The following RTF2 variants were observed in gnomAD, a reference collection of about 807,000 sequenced individuals.
RTF2 encodes replication termination factor 2.
In RTF2, 18 loss-of-function variants were observed where a neutral mutation model predicts 38.0. That is an observed-to-expected ratio of 0.47 (90% confidence interval 0.33 to 0.70). The LOEUF is 0.70. Ranked by LOEUF, RTF2 falls within the 30% of genes least tolerant of loss-of-function variation. The probability of loss-of-function intolerance (pLI) is 0.02; values close to 1 mark genes in which losing one functional copy is unlikely to be tolerated. For synonymous variants in RTF2, 126 were observed against 137.1 expected, an observed-to-expected ratio of 0.92 and a Z score of 0.57; for missense variants, 311 against 379.6, an observed-to-expected ratio of 0.82 and a Z score of 1.50.
intron 4 of RTF2, among the ~76,000 whole-genome samples, chr20:56,481,816 C>G (rs1982541268): frequency 6.6e-6 from 1 of 152,182 alleles, no homozygotes; most frequent in Non-Finnish European, 1.5e-5. Context: ...AGGTACTCCC[C>G]ATTGCCAGTC....
rs755570223 is a variant in RTF2, at chr20:56,518,029, C to T, written c.743-58C>T. The T allele has an allele frequency of 1.6e-4, 241 of 1,512,896 alleles. 1 individual carries two copies. Among genetic ancestry groups the T allele is most frequent in the Middle Eastern group, 3.6e-4 (2 of 5,626 alleles). 93.7% of individuals were successfully genotyped at this position (1,512,896 alleles called of 1,614,324 possible). A position where few individuals can be genotyped will look rare whatever the true frequency, so the allele number is the denominator to read the frequency against. The stretch of plus-strand genomic sequence containing the variant: ...CTGATGGGCTTCCCTTCTGAGGATG[C>T]GAAGTTTAGAATCATCTTTATCCCA... On this transcript the variant is annotated intron_variant, in intron 8 of 8. Coordinates refer to ENST00000357348, the MANE Select transcript of RTF2 (RefSeq NM_016407.5).
At chr20:56,479,856 TG>T (rs1216734067) in intron 4 of RTF2, among the ~76,000 whole-genome samples, 1 of 148,888 alleles carries the variant, frequency 6.7e-6, no homozygotes, top group African/African-American at 2.5e-5. Context: ...GTCTCAACGC[TG>T]GGCTTAAAAT....
chr20:56,496,585 C>T, intron 5 of RTF2: 2 of 1,449,142 alleles, frequency 1.4e-6, no homozygotes, highest in Non-Finnish European at 1.8e-6. Context: ...ATCAATCTAT[C>T]TGCTGCTGTT....
intron 5 of RTF2, chr20:56,504,053 A>G (rs1238741066): frequency 6.6e-6 from 1 of 152,224 alleles, no homozygotes; most frequent in African/African-American, 2.4e-5. Context: ...TGAGACGCTT[A>G]CCAGGAGAAG....
Position 56,497,195 on chromosome 20 carries a change from A to G in RTF2, c.477+13006A>G, listed in dbSNP as rs183451488. The G allele has an allele frequency of 3.4e-5, 52 of 1,551,668 alleles. No individual in the cohort carries two copies. The Admixed American group carries it at 8.6e-4, about 26-fold the overall frequency. On this transcript the variant is annotated intron_variant, in intron 5 of 8. Coordinates refer to ENST00000357348, the MANE Select transcript of RTF2 (RefSeq NM_016407.5). Reference sequence around the variant, plus strand: ...GGGCCTTTTCATCAACATGAATACAATAAACATTTTGAGGTACATAAATAG... The same window carrying G: ...GGGCCTTTTCATCAACATGAATACAGTAAACATTTTGAGGTACATAAATAG...
chr20:56,469,901 A>G (rs1037541238), intron 1 of RTF2, among the ~76,000 whole-genome samples: 7 of 152,130 alleles, frequency 4.6e-5, no homozygotes, highest in Admixed American at 1.3e-4. Context: ...TCACATGATG[A>G]GTTTCTTTAC....
chr20:56,498,406 T>TA lies in RTF2; in HGVS notation c.477+14223dup, dbSNP rs1426735564. ...GCAACATAGTAAGACTGTATCTCTA[T>TA]AAAAAACTTAAAAATTAGCCACATG... is the stretch of plus-strand genomic sequence containing the variant. On this transcript the variant is annotated intron_variant, in intron 5 of 8. Coordinates refer to ENST00000357348, the MANE Select transcript of RTF2 (RefSeq NM_016407.5). Among the ~76,000 whole-genome samples, 6 of 151,634 alleles carry TA rather than the reference T, an allele frequency of 4.0e-5. No homozygotes were observed. In the East Asian group the frequency reaches 7.8e-4, roughly 20 times the overall value.
intron 5 of RTF2, among the ~76,000 whole-genome samples, chr20:56,510,276 G>A (rs560547496): frequency 3.3e-5 from 5 of 152,282 alleles, no homozygotes; most frequent in African/African-American, 1.2e-4. Flanking sequence ...GGCGAGTTAG[G>A]TAGCAAATGC....
intron 6 of RTF2, 151 bp downstream of exon 6, chr20:56,513,579 A>G: frequency 3.1e-6 from 3 of 980,648 alleles, no homozygotes; most frequent in Non-Finnish European, 4.4e-6. Flanking sequence ...AGCAGATTCC[A>G]GCTGAGGCCC....
At chr20:56,476,168 C>T (rs563856311) in intron 3 of RTF2, among the ~76,000 whole-genome samples, 1 of 152,258 alleles carries the variant, frequency 6.6e-6, no homozygotes, top group Admixed American at 6.5e-5. Context: ...TGGAGTGTGA[C>T]AGTATTTTCT....
At chr20:56,492,946 G>C (rs1294146000) in intron 5 of RTF2, among the ~76,000 whole-genome samples, 1 of 151,916 alleles carries the variant, frequency 6.6e-6, no homozygotes, top group African/African-American at 2.4e-5. Flanking sequence ...GGGAGGCCGA[G>C]GCGGGTGGAT....
At chr20:56,472,659 A>G (rs1236163807) in intron 1 of RTF2, among the ~76,000 whole-genome samples, 1 of 152,134 alleles carries the variant, frequency 6.6e-6, no homozygotes, top group East Asian at 1.9e-4. Flanking sequence ...TTAGAAATTA[A>G]TCTAACACAC....
intron 5 of RTF2, among the ~76,000 whole-genome samples, chr20:56,490,497 C>T (rs977893721): frequency 1.3e-5 from 2 of 152,208 alleles, no homozygotes; most frequent in African/African-American, 4.8e-5. Flanking sequence ...CAGCATGGTA[C>T]AATTAGCCAC....
intron 1 of RTF2, among the ~76,000 whole-genome samples, 164 bp downstream of exon 1, chr20:56,468,930 C>T (rs1410570339): frequency 6.6e-6 from 1 of 152,188 alleles, no homozygotes; most frequent in Non-Finnish European, 1.5e-5. Flanking sequence ...TAAGAGTGGA[C>T]ATTCAATGGG....
At chr20:56,511,290 C>A (rs868172239) in intron 5 of RTF2, among the ~76,000 whole-genome samples, 1 of 152,104 alleles carries the variant, frequency 6.6e-6, no homozygotes, top group Non-Finnish European at 1.5e-5. Context: ...GCTCCATCAG[C>A]GGCATTAGAT....
In RTF2 at chr20:56,513,388, C is replaced by G. The variant is rs747083601; in HGVS notation, c.551C>G (p.Thr184Arg). 1 of 1,607,918 alleles carries G rather than the reference C, an allele frequency of 6.2e-7. No individual in the cohort carries two copies. Among genetic ancestry groups the G allele is most frequent in the Non-Finnish European group, 8.5e-7 (1 of 1,177,540 alleles). The change falls in exon 6 of 9, where the codon ACA (threonine) becomes AGA (arginine). Residue 184 changes from threonine to arginine, a missense_variant. Transcript: ENST00000357348. ...AAGGAGGATGTGGACGTGCTGAAGACAAGGATGGAGGAGAGAAGGCTGAGA... is the reference window on the plus strand; with the variant it reads ...AAGGAGGATGTGGACGTGCTGAAGAGAAGGATGGAGGAGAGAAGGCTGAGA... ...GTKEDVDVLK[T>R]RMEERRLRAK... is the part of the protein sequence containing the mutation.
chr20:56,482,234 A>C (rs1473253862), intron 4 of RTF2, among the ~76,000 whole-genome samples: 1 of 152,264 alleles, frequency 6.6e-6, no homozygotes, highest in Non-Finnish European at 1.5e-5. Flanking sequence ...ACCAAAATCC[A>C]TGGATGCTCA....
rs200691661 is a variant in RTF2, at chr20:56,518,151, C to G, written c.807C>G (p.Ile269Met). Residue 269 changes from isoleucine to methionine, a missense_variant, in exon 9 of 9, where the codon ATC becomes ATG. Ile to Met is a conservative substitution (Grantham distance 10). Transcript: ENST00000357348. ...CGTGTGGAGCCACAAAGAGGTCCAT[C>G]GCTGACAGTGAAGAATCGGAGGCCT... ...KPPCGATKRS[I>M]ADSEESEAYK... 2.5e-6 allele frequency: 4 copies of G among 1,614,148 alleles called. No individual in the cohort carries two copies. Among genetic ancestry groups the G allele is most frequent in the Non-Finnish European group, 3.4e-6 (4 of 1,180,008 alleles).
intron 5 of RTF2, among the ~76,000 whole-genome samples, chr20:56,500,116 G>A (rs901244524): frequency 3.3e-5 from 5 of 151,720 alleles, no homozygotes; most frequent in African/African-American, 9.7e-5. Flanking sequence ...GTGCAATGGC[G>A]TGATCTTGGC....
Sources: gnomAD v4.1 joint callset for allele counts (sites outside exome capture counted in the v4.1 genomes callset) on GRCh38, gnomAD v4.1.1 for gene constraint, MANE v1.5 for transcripts, NCBI Gene and HGNC (gene_info 2026-07-23, HGNC 2026-07-21) for gene names.